Variants in ADAMTS14 observed in about 807,000 individuals in gnomAD.
ADAMTS14 encodes A disintegrin and metalloproteinase with thrombospondin motifs 14.
Under a neutral mutation model 128.6 loss-of-function variants are expected in ADAMTS14, and 100 were observed. That is an observed-to-expected ratio of 0.78 (90% confidence interval 0.66 to 0.92). ADAMTS14 has a LOEUF of 0.92. Ranked by LOEUF, ADAMTS14 falls within the 40% of genes least tolerant of loss-of-function variation. The pLI is 0.00. For synonymous variants in ADAMTS14, 665 were observed against 653.8 expected (o/e 1.02, Z -0.26); for missense variants, 1,562 against 1,658.6 (o/e 0.94, Z 1.01).
chr10:70,734,180 A>C, intron 8 of ADAMTS14, 152 bp downstream of exon 8: 3 of 975,546 alleles, frequency 3.1e-6, no homozygotes, highest in Non-Finnish European at 4.5e-6. Flanking sequence ...GGCCTAAAAC[A>C]TACCCCATTA....
chr10:70,735,826 A>G (rs928170099), intron 9 of ADAMTS14, among the ~76,000 whole-genome samples: 3 of 152,188 alleles, frequency 2.0e-5, no homozygotes, highest in Admixed American at 6.5e-5. Flanking sequence ...GAGATCAGCT[A>G]GAGTCCCCTA....
chr10:70,750,361 G>A (rs1016661221), intron 16 of ADAMTS14, among the ~76,000 whole-genome samples: 1 of 152,148 alleles, frequency 6.6e-6, no homozygotes, highest in East Asian at 1.9e-4. Context: ...CAGCTTCCTC[G>A]GGCCTTTAAT....
At chr10:70,693,602 A>T (rs145893673) in intron 2 of ADAMTS14, among the ~76,000 whole-genome samples, 1 of 152,232 alleles carries the variant, frequency 6.6e-6, no homozygotes, top group Non-Finnish European at 1.5e-5. Flanking sequence ...GTGTCCCAAG[A>T]TTACATGATC....
chr10:70,739,792 T>G (rs1841939845), intron 11 of ADAMTS14, among the ~76,000 whole-genome samples: 1 of 152,234 alleles, frequency 6.6e-6, no homozygotes, highest in Non-Finnish European at 1.5e-5. Context: ...TCATTCATAC[T>G]GTTATTTATC....
intron 6 of ADAMTS14, among the ~76,000 whole-genome samples, chr10:70,730,815 A>T (rs1452703479): frequency 6.6e-6 from 1 of 152,112 alleles, no homozygotes; most frequent in African/African-American, 2.4e-5. Flanking sequence ...AGTATTGACA[A>T]TTGTAAATAC....
chr10:70,720,935 C>A (rs1000277591), intron 4 of ADAMTS14, among the ~76,000 whole-genome samples: 3 of 150,958 alleles, frequency 2.0e-5, no homozygotes, highest in Admixed American at 6.6e-5. Context: ...TCCTTAAGAA[C>A]GAAAAAGTGT....
Position 70,730,245 on chromosome 10 carries a change from C to T in ADAMTS14, c.1098C>T (p.Pro366=), listed in dbSNP as rs1336950194. 1 of 1,613,804 alleles carries T rather than the reference C, an allele frequency of 6.2e-7. No individual in the cohort carries two copies. Among genetic ancestry groups the T allele is most frequent in the South Asian group, 1.1e-5 (1 of 91,036 alleles). The change falls in exon 6 of 22, where the codon CCC becomes CCT. Residue 366 remains proline (P), a synonymous_variant. Transcript: ENST00000373207. ...VVFLTRQDFG[P]SGYAPVTGMC... is the part of the protein sequence containing the mutation. The stretch of plus-strand genomic sequence containing the variant: ...TCCTCACCCGGCAGGACTTTGGGCC[C>T]TCAGGTATGCAAGGTACTGTATTTG...
intron 3 of ADAMTS14, among the ~76,000 whole-genome samples, chr10:70,706,284 G>A (rs560710483): frequency 1.3e-5 from 2 of 152,320 alleles, no homozygotes; most frequent in East Asian, 1.9e-4. Context: ...TTTACATTCC[G>A]GGCTGTTGTC....
intron 3 of ADAMTS14, among the ~76,000 whole-genome samples, chr10:70,704,125 G>A (rs921126709): frequency 6.6e-6 from 1 of 152,184 alleles, no homozygotes; most frequent in African/African-American, 2.4e-5. Context: ...AGCCTGCCTA[G>A]CAGCCGGCTA....
intron 2 of ADAMTS14, among the ~76,000 whole-genome samples, chr10:70,698,706 A>C (rs1049542813): frequency 6.6e-6 from 1 of 152,150 alleles, no homozygotes; most frequent in Non-Finnish European, 1.5e-5. Context: ...AGTCGCATAG[A>C]AATTTAGAAA....
intron 2 of ADAMTS14, among the ~76,000 whole-genome samples, chr10:70,696,510 C>T (rs903105906): frequency 2.6e-5 from 4 of 152,030 alleles, no homozygotes; most frequent in Non-Finnish European, 4.4e-5. Flanking sequence ...CCTGTGTGCA[C>T]GCGTGGAGTA....
intron 4 of ADAMTS14, among the ~76,000 whole-genome samples, chr10:70,713,668 G>A (rs1589290009): frequency 6.6e-6 from 1 of 152,204 alleles, no homozygotes; most frequent in East Asian, 1.9e-4. Flanking sequence ...GGTGGGACAT[G>A]AGGCTATCCC....
intron 4 of ADAMTS14, among the ~76,000 whole-genome samples, chr10:70,726,467 C>T (rs978463761): frequency 6.6e-6 from 1 of 152,242 alleles, no homozygotes; most frequent in Non-Finnish European, 1.5e-5. Flanking sequence ...CCAGTGACTC[C>T]TTTCTTCTCC....
At chr10:70,701,588 C>T (rs1210979611) in intron 2 of ADAMTS14, among the ~76,000 whole-genome samples, 1 of 152,214 alleles carries the variant, frequency 6.6e-6, no homozygotes, top group African/African-American at 2.4e-5. Flanking sequence ...TGACCGCCTT[C>T]ACTGGGGGAT....
rs982488320 is a variant in ADAMTS14, at chr10:70,761,809, A to G, written c.*956A>G. The G allele has an allele frequency of 6.6e-6, 1 of 152,238 alleles. No individual in the cohort carries two copies. Among genetic ancestry groups the G allele is most frequent in the Non-Finnish European group, 1.5e-5 (1 of 68,058 alleles). 9.4% of individuals were successfully genotyped at this position (152,238 alleles called of 1,614,324 possible). A position where few individuals can be genotyped will look rare whatever the true frequency, so the allele number is the denominator to read the frequency against. On this transcript the variant is annotated 3_prime_UTR_variant, in exon 22 of 22. Coordinates refer to ENST00000373207, the MANE Select transcript of ADAMTS14 (RefSeq NM_080722.4). ...AAGATCGCTCCTGCTGGAGTCGGAC[A>G]TCTTCATCTTCTACCTGGCTCAAGC...
At position 70,758,204 on chromosome 10, in the gene ADAMTS14, G is replaced by A. The variant is rs372183319; in HGVS notation, c.3097G>A (p.Asp1033Asn). The A allele has an allele frequency of 2.9e-5, 47 of 1,614,058 alleles. 1 individual carries two copies. Among genetic ancestry groups the A allele is most frequent in the Middle Eastern group, 1.6e-4 (1 of 6,082 alleles). ...TCACCAGAACTCCACGGTGAGGGCC[G>A]ATGTCTGGGAACTTGGGACGCCAGA... ...GNHQNSTVRA[D>N]VWELGTPEGQ... Residue 1033 changes from aspartate to asparagine, a missense_variant, in exon 21 of 22, where the codon GAT becomes AAT. Coordinates refer to ENST00000373207, the MANE Select transcript of ADAMTS14 (RefSeq NM_080722.4).
intron 2 of ADAMTS14, among the ~76,000 whole-genome samples, chr10:70,685,917 CTG>C (rs1221415502): frequency 1.3e-5 from 2 of 152,124 alleles, no homozygotes; most frequent in Non-Finnish European, 2.9e-5. Flanking sequence ...ATTGTCTTCT[CTG>C]AAACTGGGAG....
In ADAMTS14 at chr10:70,753,686, T is replaced by C. The variant is rs115578594; in HGVS notation, c.2730-114T>C. 1.6e-4 allele frequency: 187 copies of C among 1,197,612 alleles called. No homozygotes were observed. In the African/African-American group the frequency reaches 2.6e-3, roughly 17 times the overall value. 74.2% of individuals were successfully genotyped at this position (1,197,612 alleles called of 1,614,324 possible). ...CAGTTGTCCTAGGCCTCAAACATTCTGAAACCCAAACCCACTCTCTGGCTC... is the reference window on the plus strand; with the variant it reads ...CAGTTGTCCTAGGCCTCAAACATTCCGAAACCCAAACCCACTCTCTGGCTC... On this transcript the variant is annotated intron_variant, in intron 18 of 21. Transcript: ENST00000373207.
chr10:70,708,796 C>A lies in ADAMTS14; in HGVS notation c.870+18C>A. ...TGAATATCGTGAGTGTCCATGTGTC[C>A]TAGGACTTGGGGGGAGTGGGGTGGG... is the stretch of plus-strand genomic sequence containing the variant. On this transcript the variant is annotated intron_variant, in intron 4 of 21. Transcript: ENST00000373207. The A allele has an allele frequency of 8.2e-7, 1 of 1,226,590 alleles. No individual in the cohort carries two copies. Among genetic ancestry groups the A allele is most frequent in the South Asian group, 1.3e-5 (1 of 79,006 alleles). The allele number at this position is 1,226,590 out of a possible 1,614,324, so 76.0% of individuals were successfully genotyped here.
Sources: gnomAD v4.1 joint callset for allele counts (sites outside exome capture counted in the v4.1 genomes callset) on GRCh38, gnomAD v4.1.1 for gene constraint, MANE v1.5 for transcripts, NCBI Gene and HGNC (gene_info 2026-07-23, HGNC 2026-07-21) for gene names.